The following KCNT2 variants were observed in gnomAD, a reference collection of about 807,000 sequenced individuals.
KCNT2 encodes the protein potassium sodium-activated channel subfamily T member 2, also known as potassium channel subfamily T member 2.
KCNT2 carries 67 observed loss-of-function variants against 153.8 expected under a neutral mutation model. That is an observed-to-expected ratio of 0.44 (90% confidence interval 0.36 to 0.53). The LOEUF (loss-of-function observed/expected upper bound fraction) is 0.53. Among genes scored for constraint, KCNT2 ranks in the 20% least tolerant of loss-of-function variants. The probability of loss-of-function intolerance (pLI) is 0.00; values close to 1 mark genes in which losing one functional copy is unlikely to be tolerated. For synonymous variants in KCNT2, 500 were observed against 458.8 expected, an observed-to-expected ratio of 1.09 and a Z score of -1.15; for missense variants, 975 against 1,354.8, an observed-to-expected ratio of 0.72 and a Z score of 4.40.
chr1:196,249,888 C>T (rs1655800022), intron 26 of KCNT2, among the ~76,000 whole-genome samples: 1 of 151,702 alleles, frequency 6.6e-6, no homozygotes, highest in Non-Finnish European at 1.5e-5. Context: ...TAGGAACTAA[C>T]TTAAAGAAGT....
Position 196,228,257 on chromosome 1 carries a change from A to G in KCNT2, c.3375T>C (p.Thr1125=). ...GAGTTTCCTCCCGAGAATCTTGACCAGTGACATTGCAGATGCTGTTTCTTC... is the reference window on the plus strand; with the variant it reads ...GAGTTTCCTCCCGAGAATCTTGACCGGTGACATTGCAGATGCTGTTTCTTC... ...PSRRNSICNV[T]GQDSREETQL is the part of the protein sequence containing the mutation. The change falls in exon 28 of 28, where the codon ACT becomes ACC. Residue 1125 remains threonine (T), a synonymous_variant. Coordinates refer to ENST00000294725, the MANE Select transcript of KCNT2 (RefSeq NM_198503.5). The G allele has an allele frequency of 6.2e-7, 1 of 1,610,976 alleles. No individual in the cohort carries two copies. Among genetic ancestry groups the G allele is most frequent in the Non-Finnish European group, 8.5e-7 (1 of 1,177,694 alleles).
rs1458283386 is a variant in KCNT2, at chr1:196,556,727, A to G, written c.95+51488T>C. ...ACAATAGCCAAGATTTTGAAGCAACATAAGTGTCCGTCGACAGGTGAATGG... is the reference window on the plus strand; with the variant it reads ...ACAATAGCCAAGATTTTGAAGCAACGTAAGTGTCCGTCGACAGGTGAATGG... On this transcript the variant is annotated intron_variant, in intron 1 of 27. Coordinates refer to ENST00000294725, the MANE Select transcript of KCNT2 (RefSeq NM_198503.5). Among the ~76,000 whole-genome samples, 8 of 151,420 alleles carry G rather than the reference A, an allele frequency of 5.3e-5. No individual in the cohort carries two copies. In the South Asian group the frequency reaches 6.2e-4, roughly 12 times the overall value.
intron 1 of KCNT2, among the ~76,000 whole-genome samples, chr1:196,590,291 A>G (rs1006305493): frequency 6.6e-6 from 1 of 152,312 alleles, no homozygotes; most frequent in East Asian, 1.9e-4. Context: ...ATGAGCAAAA[A>G]TACAAAAGGC....
chr1:196,387,730 C>G (rs138430586), intron 13 of KCNT2, among the ~76,000 whole-genome samples: 2 of 151,666 alleles, frequency 1.3e-5, no homozygotes, highest in East Asian at 3.9e-4. Context: ...ATAAAATATC[C>G]GTTCGATTCT....
chr1:196,489,300 T>C (rs569754584), intron 3 of KCNT2, among the ~76,000 whole-genome samples: 1 of 152,032 alleles, frequency 6.6e-6, no homozygotes, highest in East Asian at 1.9e-4. Context: ...CTCTGGGGAT[T>C]CAGGCAAAGA....
chr1:196,411,275 G>A (rs923755320), intron 12 of KCNT2, among the ~76,000 whole-genome samples: 23 of 151,072 alleles, frequency 1.5e-4, no homozygotes, highest in African/African-American at 2.2e-4. Flanking sequence ...GTCTATATGC[G>A]TGTATTTATG....
chr1:196,506,353 A>G (rs938303686), intron 1 of KCNT2, among the ~76,000 whole-genome samples: 3 of 152,204 alleles, frequency 2.0e-5, no homozygotes, highest in African/African-American at 7.2e-5. Context: ...CGTTCCTAAA[A>G]TAAACGTATA....
At chr1:196,493,978 T>C (rs1680054226) in intron 1 of KCNT2, among the ~76,000 whole-genome samples, 1 of 152,332 alleles carries the variant, frequency 6.6e-6, no homozygotes, top group South Asian at 2.1e-4. Flanking sequence ...CTAGAAGTTC[T>C]AAAGAAGCCA....
chr1:196,514,203 T>A (rs1397746816), intron 1 of KCNT2, among the ~76,000 whole-genome samples: 1 of 152,228 alleles, frequency 6.6e-6, no homozygotes. Context: ...ATACACATAT[T>A]AAGTACTCAA....
intron 1 of KCNT2, among the ~76,000 whole-genome samples, chr1:196,502,546 A>G (rs1407367977): frequency 6.6e-6 from 1 of 152,184 alleles, no homozygotes; most frequent in Non-Finnish European, 1.5e-5. Flanking sequence ...ATAAATAACA[A>G]CTATCAATTT....
chr1:196,470,739 A>C (rs2148673128), intron 5 of KCNT2, among the ~76,000 whole-genome samples: 1 of 152,326 alleles, frequency 6.6e-6, no homozygotes, highest in African/African-American at 2.4e-5. Flanking sequence ...GCATCAAATA[A>C]GAGAGGAAGT....
chr1:196,435,478 TA>T (rs1674574933), intron 8 of KCNT2, among the ~76,000 whole-genome samples: 1 of 151,536 alleles, frequency 6.6e-6, no homozygotes, highest in Non-Finnish European at 1.5e-5. Context: ...AATAATAAAC[TA>T]AAAACTTGTC....
chr1:196,519,298 T>C (rs2148818390), intron 1 of KCNT2, among the ~76,000 whole-genome samples: 2 of 152,246 alleles, frequency 1.3e-5, no homozygotes, highest in Middle Eastern at 3.4e-3. Context: ...GCTAAGGCAG[T>C]GTTAAGAGGG....
At chr1:196,306,278 G>C (rs1661628243) in intron 21 of KCNT2, among the ~76,000 whole-genome samples, 1 of 152,004 alleles carries the variant, frequency 6.6e-6, no homozygotes, top group Non-Finnish European at 1.5e-5. Flanking sequence ...TGAACTCAGG[G>C]ACTAAAACTG....
intron 1 of KCNT2, among the ~76,000 whole-genome samples, chr1:196,563,645 C>T (rs1307904282): frequency 6.6e-6 from 1 of 151,764 alleles, no homozygotes; most frequent in Non-Finnish European, 1.5e-5. Context: ...AATTCAATAG[C>T]ACATTGATAA....
chr1:196,453,561 A>C (rs1424991383), intron 8 of KCNT2, among the ~76,000 whole-genome samples: 2 of 151,956 alleles, frequency 1.3e-5, no homozygotes, highest in Non-Finnish European at 2.9e-5. Context: ...ACTGACTGAA[A>C]CAGTCTGACT....
intron 8 of KCNT2, among the ~76,000 whole-genome samples, chr1:196,460,326 C>A (rs1004082710): frequency 6.6e-6 from 1 of 151,696 alleles, no homozygotes; most frequent in African/African-American, 2.4e-5. Context: ...TGACCTCACA[C>A]AAAACTTAAC....
At chr1:196,395,086 T>C (rs1303860606) in intron 13 of KCNT2, among the ~76,000 whole-genome samples, 4 of 151,350 alleles carry the variant, frequency 2.6e-5, no homozygotes, top group African/African-American at 4.8e-5. Context: ...TCTTTTAACA[T>C]AATGATCTAT....
At chr1:196,256,709 A>AATATATATATATATATATAT (rs144323772) in intron 26 of KCNT2, among the ~76,000 whole-genome samples, 53 of 144,172 alleles carry the variant, frequency 3.7e-4, no homozygotes, top group African/African-American at 1.2e-3. Flanking sequence ...TTATCATGGA[A>AATATATATATATATATATAT]ATATATATAT....
Sources: allele counts gnomAD v4.1 joint callset (sites outside exome capture counted in the v4.1 genomes callset), GRCh38; gene constraint gnomAD v4.1.1; transcripts MANE v1.5; gene names NCBI Gene and HGNC (gene_info 2026-07-23, HGNC 2026-07-21).